TMEM120B: variants seen among roughly 807,000 people sequenced by gnomAD.
The protein encoded by TMEM120B is transmembrane protein 120B.
Under a neutral mutation model 55.5 loss-of-function variants are expected in TMEM120B, and 31 were observed. That is an observed-to-expected ratio of 0.56 (90% CI 0.42 to 0.75). TMEM120B has a LOEUF of 0.75. Among genes scored for constraint, TMEM120B ranks in the 30% least tolerant of loss-of-function variants. The probability of loss-of-function intolerance (pLI) is 0.00; values close to 1 mark genes in which losing one functional copy is unlikely to be tolerated. For synonymous variants in TMEM120B, 203 were observed against 176.3 expected (o/e 1.15, Z -1.20); for missense variants, 399 against 425.5 (o/e 0.94, Z 0.55).
At chr12:121,771,635 G>A in intron 8 of TMEM120B, 86 bp downstream of exon 8, 3 of 1,342,168 alleles carry the variant, frequency 2.2e-6, no homozygotes, top group Non-Finnish European at 3.2e-6. Context: ...ACATCAATCA[G>A]TGCTTGCCTG....
chr12:121,712,757 C>G lies in TMEM120B; in HGVS notation c.-139C>G, dbSNP rs1894622197. The G allele has an allele frequency of 2.1e-6, 1 of 468,378 alleles. No individual in the cohort carries two copies. The highest frequency in any genetic ancestry group is 9.9e-5 in the South Asian group (1 of 10,132). The allele number at this position is 468,378 out of a possible 1,614,324, so 29.0% of individuals were successfully genotyped here. ...CGGGGCGGGGCCGTGACGTCAGTTG[C>G]GCGCGTGGCTCTGGCTGCGCAGGAA... On this transcript the variant is annotated 5_prime_UTR_variant, in exon 1 of 12. Coordinates refer to ENST00000449592, the MANE Select transcript of TMEM120B (RefSeq NM_001080825.2).
Position 121,760,129 on chromosome 12 carries a change from CAAAAAA to C in TMEM120B, c.462-1501_462-1496del, listed in dbSNP as rs1006164597. Among the ~76,000 whole-genome samples the C allele has an allele frequency of 4.6e-4, 22 of 47,432 alleles. No individual in the cohort carries two copies. The East Asian group carries it at 7.8e-3, about 17-fold the overall frequency. The allele number at this position is 47,432 out of a possible 152,430, so 31.1% of individuals were successfully genotyped here. ...CTGGCCCCAGAGCGAAACTACGTCTCAAAAAAAAAAAAAAAAAAAAAAAATTAGCTG... is the reference window on the plus strand; with the variant it reads ...CTGGCCCCAGAGCGAAACTACGTCTCAAAAAAAAAAAAAAAAAATTAGCTG... On this transcript the variant is annotated intron_variant, in intron 5 of 11. Transcript: ENST00000449592.
At chr12:121,727,689 C>T (rs960467083) in intron 1 of TMEM120B, among the ~76,000 whole-genome samples, 12 of 151,486 alleles carry the variant, frequency 7.9e-5, no homozygotes, top group Admixed American at 1.3e-4. Flanking sequence ...CTGGCTAACA[C>T]GGTGAAACCC....
rs535379182 is a variant in TMEM120B at position 121,769,514 on chromosome 12, G to A, written c.552-1393G>A. 2.5e-3 allele frequency among the ~76,000 whole-genome samples: 377 copies of A among 152,084 alleles called. 2 individuals are homozygous for A. The highest frequency in any genetic ancestry group is 8.4e-3 in the African/African-American group (348 of 41,490). ...TGAGCCCAGGAATTTGAGACCAGTCGGGGCAACATAGCAAGACCCTGTCTC... is the reference window on the plus strand; with the variant it reads ...TGAGCCCAGGAATTTGAGACCAGTCAGGGCAACATAGCAAGACCCTGTCTC... On this transcript the variant is annotated intron_variant, in intron 6 of 11. Coordinates refer to ENST00000449592, the MANE Select transcript of TMEM120B (RefSeq NM_001080825.2).
intron 1 of TMEM120B, among the ~76,000 whole-genome samples, chr12:121,724,962 C>T (rs1460932483): frequency 6.6e-6 from 1 of 152,140 alleles, no homozygotes; most frequent in Non-Finnish European, 1.5e-5. Context: ...CCATGTCAGT[C>T]ATTTACGTGG....
At chr12:121,749,891 C>T (rs1428468964) in intron 3 of TMEM120B, among the ~76,000 whole-genome samples, 2 of 148,442 alleles carry the variant, frequency 1.3e-5, no homozygotes, top group African/African-American at 5.0e-5. Context: ...GGGTGACAGA[C>T]CGAGACTCTG....
rs549324315 is a variant in TMEM120B, at chr12:121,760,563, G to A, written c.462-1086G>A. ...TTCCCTTTGCCAGTGGAATGTCCCC[G>A]GAAAGTCATGTACGAGTTAAACACT... On this transcript the variant is annotated intron_variant, in intron 5 of 11. Transcript: ENST00000449592. Among the ~76,000 whole-genome samples, 21 of 152,270 alleles carry A rather than the reference G, an allele frequency of 1.4e-4. No individual in the cohort carries two copies. In the South Asian group the frequency reaches 2.9e-3, roughly 21 times the overall value.
chr12:121,736,327 GTTT>G (rs200851425), intron 1 of TMEM120B, among the ~76,000 whole-genome samples: 1 of 137,160 alleles, frequency 7.3e-6, no homozygotes, highest in East Asian at 2.2e-4. Context: ...ATTGTTTGGT[GTTT>G]TTTTTTTTTT....
At chr12:121,720,458 C>G (rs904958874) in intron 1 of TMEM120B, among the ~76,000 whole-genome samples, 1 of 152,024 alleles carries the variant, frequency 6.6e-6, no homozygotes, top group Non-Finnish European at 1.5e-5. Flanking sequence ...GCCTGTAATC[C>G]CAGCACCTTG....
chr12:121,740,632 G>A (rs1872907334), intron 1 of TMEM120B, among the ~76,000 whole-genome samples: 1 of 152,080 alleles, frequency 6.6e-6, no homozygotes, highest in South Asian at 2.1e-4. Flanking sequence ...AGTAGCAGGA[G>A]GAGGAAGAGG....
intron 1 of TMEM120B, among the ~76,000 whole-genome samples, chr12:121,717,942 T>C (rs1321613079): frequency 1.3e-5 from 2 of 152,132 alleles, no homozygotes; most frequent in Non-Finnish European, 2.9e-5. Flanking sequence ...AAGCGTGAGC[T>C]ACCGCACCCA....
intron 5 of TMEM120B, chr12:121,759,041 T>C (rs1465273992): frequency 1.0e-6 from 1 of 984,526 alleles, no homozygotes; most frequent in Non-Finnish European, 1.2e-6. Flanking sequence ...TGTAACAAAG[T>C]TTACAGATGG....
intron 5 of TMEM120B, 144 bp downstream of exon 5, chr12:121,752,367 C>G: frequency 3.0e-6 from 2 of 665,268 alleles, no homozygotes; most frequent in East Asian, 5.4e-5. Flanking sequence ...GGGGCCATTT[C>G]TCATGGGAAA....
At chr12:121,739,776 AC>A (rs2137105079) in intron 1 of TMEM120B, among the ~76,000 whole-genome samples, 1 of 150,324 alleles carries the variant, frequency 6.7e-6, no homozygotes, top group East Asian at 2.0e-4. Context: ...CTGGCCGGAA[AC>A]TTTTGACTCC....
intron 5 of TMEM120B, among the ~76,000 whole-genome samples, chr12:121,760,505 C>T (rs1187770379): frequency 1.3e-5 from 2 of 152,192 alleles, no homozygotes. Flanking sequence ...AGTTTGTTTC[C>T]TGGAGTTGCA....
At chr12:121,728,082 A>G (rs1186298396) in intron 1 of TMEM120B, among the ~76,000 whole-genome samples, 1 of 150,276 alleles carries the variant, frequency 6.7e-6, no homozygotes, top group South Asian at 2.1e-4. Flanking sequence ...ATCTCGGTTC[A>G]CTGCGCCCTC....
rs1397470948 is a variant in TMEM120B, at chr12:121,778,028, G to C, written c.*2306G>C. ...CACTGGGCCAGGGGGGCTGAGGCAG[G>C]AGATATGGGGAAGGCTAGGAGTTGC... On this transcript the variant is annotated 3_prime_UTR_variant, in exon 12 of 12. Transcript: ENST00000449592. 1 of 152,204 alleles carries C rather than the reference G, an allele frequency of 6.6e-6. No individual in the cohort carries two copies. The highest frequency in any genetic ancestry group is 1.5e-5 in the Non-Finnish European group (1 of 68,054). The allele number at this position is 152,204 out of a possible 1,614,324, so 9.4% of individuals were successfully genotyped here.
At chr12:121,763,192 T>C (rs1331568425) in intron 6 of TMEM120B, among the ~76,000 whole-genome samples, 1 of 148,330 alleles carries the variant, frequency 6.7e-6, no homozygotes, top group Admixed American at 6.8e-5. Flanking sequence ...AGACGAAGTC[T>C]TGCTCTGTCG....
At chr12:121,760,989 T>A (rs993730654) in intron 5 of TMEM120B, among the ~76,000 whole-genome samples, 1 of 151,970 alleles carries the variant, frequency 6.6e-6, no homozygotes, top group East Asian at 1.9e-4. Context: ...ATTCTTTTGT[T>A]TTTTTTTGGG....
Sources: allele counts gnomAD v4.1 joint callset (sites outside exome capture counted in the v4.1 genomes callset), GRCh38; gene constraint gnomAD v4.1.1; transcripts MANE v1.5; gene names NCBI Gene and HGNC (gene_info 2026-07-23, HGNC 2026-07-21).